Variants in PRPSAP2 observed in about 807,000 individuals in gnomAD.
PRPSAP2 encodes phosphoribosyl pyrophosphate synthase-associated protein 2.
In PRPSAP2, 24 loss-of-function variants were observed where a neutral mutation model predicts 40.6. The observed-to-expected ratio is 0.59, with a 90% CI of 0.43 to 0.83. The LOEUF (loss-of-function observed/expected upper bound fraction) is 0.83. PRPSAP2 is among the 40% of genes least tolerant of loss of function. PRPSAP2 has a pLI of 0.00. For missense variants in PRPSAP2, 292 were observed against 465.6 expected (o/e 0.63, Z 3.43); for synonymous variants, 149 against 164.7 (o/e 0.90, Z 0.73).
intron 4 of PRPSAP2, among the ~76,000 whole-genome samples, chr17:18,870,543 C>A (rs2037781024): frequency 6.6e-6 from 1 of 152,134 alleles, no homozygotes; most frequent in African/African-American, 2.4e-5. Flanking sequence ...CATGGTGGCT[C>A]ACACCTGTAA....
chr17:18,874,096 A>G (rs1249794059), intron 5 of PRPSAP2, among the ~76,000 whole-genome samples: 1 of 151,940 alleles, frequency 6.6e-6, no homozygotes, highest in Non-Finnish European at 1.5e-5. Context: ...GTAGAGATGG[A>G]GGTCTCACTG....
intron 1 of PRPSAP2, chr17:18,859,444 A>G (rs969136529): frequency 6.6e-6 from 1 of 152,148 alleles, no homozygotes; most frequent in Non-Finnish European, 1.5e-5. Context: ...AGACCGAGCT[A>G]TTTTTGCTGC....
chr17:18,926,974 G>A (rs966811), intron 10 of PRPSAP2, among the ~76,000 whole-genome samples: 33,642 of 152,076 alleles, frequency 0.22, 3,972 homozygotes, highest in South Asian at 0.29. Flanking sequence ...ACTTTGTGCT[G>A]CTGTAACACC....
At chr17:18,919,648 A>G (rs2041579666) in intron 9 of PRPSAP2, among the ~76,000 whole-genome samples, 1 of 152,222 alleles carries the variant, frequency 6.6e-6, no homozygotes, top group Non-Finnish European at 1.5e-5. Flanking sequence ...CCTGTGTGAC[A>G]GAGTGAGACC....
At chr17:18,881,327 C>A (rs112051225) in intron 6 of PRPSAP2, among the ~76,000 whole-genome samples, 7 of 151,282 alleles carry the variant, frequency 4.6e-5, no homozygotes, top group Admixed American at 2.0e-4. Flanking sequence ...CCTCCGCCCC[C>A]CCAGGTTCAA....
At chr17:18,895,472 A>G (rs2151931858) in intron 8 of PRPSAP2, among the ~76,000 whole-genome samples, 1 of 151,848 alleles carries the variant, frequency 6.6e-6, no homozygotes, top group Non-Finnish European at 1.5e-5. Context: ...CTGTGAACAT[A>G]TTTATGATAG....
At chr17:18,884,499 A>G (rs1390410907) in intron 7 of PRPSAP2, among the ~76,000 whole-genome samples, 1 of 151,996 alleles carries the variant, frequency 6.6e-6, no homozygotes, top group Non-Finnish European at 1.5e-5. Context: ...CACCACACCT[A>G]GCTAATTTTT....
In PRPSAP2 at chr17:18,874,476, T is replaced by C. The variant is rs1477775666; in HGVS notation, c.239+1827T>C. Among the ~76,000 whole-genome samples, 5 of 152,212 alleles carry C rather than the reference T, an allele frequency of 3.3e-5. 1 individual carries two copies. Among genetic ancestry groups the C allele is most frequent in the Admixed American group, 3.3e-4 (5 of 15,282 alleles). Reference sequence around the variant, plus strand: ...TTTTTTTCACCTAAATTTTGAACATTTTCTCTCCTGGTCTTTGGTTTATTG... The same window carrying C: ...TTTTTTTCACCTAAATTTTGAACATCTTCTCTCCTGGTCTTTGGTTTATTG... On this transcript the variant is annotated intron_variant, in intron 5 of 11. Coordinates refer to ENST00000268835, the MANE Select transcript of PRPSAP2 (RefSeq NM_002767.4).
At chr17:18,879,640 G>A (rs1158377217) in intron 6 of PRPSAP2, among the ~76,000 whole-genome samples, 1 of 151,942 alleles carries the variant, frequency 6.6e-6, no homozygotes, top group Admixed American at 6.6e-5. Context: ...TTTTAGTAGA[G>A]ACGAGGTTTC....
At chr17:18,912,961 C>T (rs11657215) in intron 9 of PRPSAP2, among the ~76,000 whole-genome samples, 9,757 of 152,320 alleles carry the variant, frequency 0.064, 451 homozygotes, top group Middle Eastern at 0.12. Context: ...TCCACAAAAA[C>T]TGGGGCAGGG....
intron 8 of PRPSAP2, among the ~76,000 whole-genome samples, chr17:18,900,175 G>A (rs1272752584): frequency 1.3e-5 from 2 of 151,792 alleles, no homozygotes; most frequent in African/African-American, 2.4e-5. Flanking sequence ...GTGAGCCACC[G>A]TGCCTGGCTG....
At chr17:18,914,041 G>A (rs576266637) in intron 9 of PRPSAP2, among the ~76,000 whole-genome samples, 1 of 151,686 alleles carries the variant, frequency 6.6e-6, no homozygotes, top group East Asian at 2.0e-4. Flanking sequence ...GGGCATGGTG[G>A]TGCGTGCCTT....
At position 18,885,403 on chromosome 17, in the gene PRPSAP2, CAAAA is replaced by C. The variant is rs775079199; in HGVS notation, c.528+2743_528+2746del. On this transcript the variant is annotated intron_variant, in intron 7 of 11. Coordinates refer to ENST00000268835, the MANE Select transcript of PRPSAP2 (RefSeq NM_002767.4). ...GGCGACAGAGTGAGATTCCTTCTCA[CAAAA>C]AAAAAAAAAAAAAAAAAAAAAATTA... 5.5e-4 allele frequency among the ~76,000 whole-genome samples: 6 copies of C among 10,986 alleles called. 1 individual carries two copies. The highest frequency in any genetic ancestry group is 1.8e-3 in the Admixed American group (2 of 1,116). The allele number at this position is 10,986 out of a possible 152,430, so 7.2% of individuals were successfully genotyped here.
chr17:18,865,849 C>T lies in PRPSAP2; in HGVS notation c.16C>T (p.Pro6Ser). MFCVT[P>S]PELETKMNIT... ...GAAGGTTTTGATGTTTTGTGTGACG[C>T]CACCTGAATTAGAAACCAAGATGAA... The change falls in exon 3 of 12, where the codon CCA (proline) becomes TCA (serine). Residue 6 changes from proline (P) to serine (S), a missense_variant. Pro to Ser is a moderately conservative substitution (Grantham distance 74). Coordinates refer to ENST00000268835, the MANE Select transcript of PRPSAP2 (RefSeq NM_002767.4). 6.6e-7 allele frequency: 1 copy of T among 1,512,128 alleles called. No individual in the cohort carries two copies. Among genetic ancestry groups the T allele is most frequent in the Non-Finnish European group, 8.9e-7 (1 of 1,118,912 alleles). 93.7% of individuals were successfully genotyped at this position (1,512,128 alleles called of 1,614,324 possible). A position where few individuals can be genotyped will look rare whatever the true frequency, so the allele number is the denominator to read the frequency against.
chr17:18,867,546 G>A (rs970910435), intron 4 of PRPSAP2, among the ~76,000 whole-genome samples: 1 of 152,196 alleles, frequency 6.6e-6, no homozygotes, highest in African/African-American at 2.4e-5. Context: ...TCTGGGGCTT[G>A]AACTGCAGTT....
intron 7 of PRPSAP2, among the ~76,000 whole-genome samples, chr17:18,883,795 T>G (rs2038937866): frequency 6.6e-6 from 1 of 152,166 alleles, no homozygotes; most frequent in Non-Finnish European, 1.5e-5. Flanking sequence ...CAGTACTGTA[T>G]TTAAAAGATG....
intron 10 of PRPSAP2, among the ~76,000 whole-genome samples, chr17:18,927,895 C>T (rs1339019108): frequency 6.6e-6 from 1 of 152,130 alleles, no homozygotes; most frequent in Non-Finnish European, 1.5e-5. Context: ...CCTCCTGCCT[C>T]AGCCTCCCAA....
chr17:18,929,689 T>A (rs2042158347), intron 11 of PRPSAP2: 1 of 152,224 alleles, frequency 6.6e-6, no homozygotes, highest in Non-Finnish European at 1.5e-5. Context: ...GAATCAATAC[T>A]TCATTTTATG....
At position 18,896,580 on chromosome 17, in the gene PRPSAP2, CTTTTTTTTTT is replaced by C. The variant is rs58391876; in HGVS notation, c.584+6714_584+6723del. On this transcript the variant is annotated intron_variant, in intron 8 of 11. Coordinates refer to ENST00000268835, the MANE Select transcript of PRPSAP2 (RefSeq NM_002767.4). ...TGGCCATCTCATTCCCCAGATTTTCCTTTTTTTTTTTTTTTTTTTTGTCTAGCCCCTTGTT... is the reference window on the plus strand; with the variant it reads ...TGGCCATCTCATTCCCCAGATTTTCCTTTTTTTTTTGTCTAGCCCCTTGTT... Among the ~76,000 whole-genome samples the C allele has an allele frequency of 1.9e-4, 20 of 104,764 alleles. No homozygotes were observed. The East Asian group carries it at 3.2e-3, about 17-fold the overall frequency. The allele number at this position is 104,764 out of a possible 152,430, so 68.7% of individuals were successfully genotyped here. A position where few individuals can be genotyped will look rare whatever the true frequency, so the allele number is the denominator to read the frequency against.
Sources: gnomAD v4.1 joint callset for allele counts (sites outside exome capture counted in the v4.1 genomes callset) on GRCh38, gnomAD v4.1.1 for gene constraint, MANE v1.5 for transcripts, NCBI Gene and HGNC (gene_info 2026-07-23, HGNC 2026-07-21) for gene names.